The following MRPS18B variants were observed in gnomAD, a reference collection of about 807,000 sequenced individuals.
MRPS18B encodes small ribosomal subunit protein mS40.
Under a neutral mutation model 28.4 loss-of-function variants are expected in MRPS18B, and 27 were observed. The observed-to-expected ratio is 0.95, with a 90% CI of 0.70 to 1.31. The LOEUF (loss-of-function observed/expected upper bound fraction) is 1.31. Ranked by LOEUF, MRPS18B falls within the 40% of genes most tolerant of loss-of-function variation. The probability of loss-of-function intolerance (pLI) is 0.00; values close to 1 mark genes in which losing one functional copy is unlikely to be tolerated. For missense variants in MRPS18B, 343 were observed against 335.9 expected (o/e 1.02, Z -0.17); for synonymous variants, 118 against 123.7 (o/e 0.95, Z 0.30).
At position 30,625,804 on chromosome 6, in the gene MRPS18B, T is replaced by C; in HGVS notation, c.*7T>C. On this transcript the variant is annotated 3_prime_UTR_variant, in exon 7 of 7. Coordinates refer to ENST00000259873, the MANE Select transcript of MRPS18B (RefSeq NM_014046.4). ...CCCTCAGAGTGCTCTGTAGGAGCTGTAGACTGGGAAGAGAGGCCAGGCGTG... is the reference window on the plus strand; with the variant it reads ...CCCTCAGAGTGCTCTGTAGGAGCTGCAGACTGGGAAGAGAGGCCAGGCGTG... 2 of 1,597,058 alleles carry C rather than the reference T, an allele frequency of 1.3e-6. No individual in the cohort carries two copies. Among genetic ancestry groups the C allele is most frequent in the Non-Finnish European group, 1.7e-6 (2 of 1,167,636 alleles).
intron 1 of MRPS18B, among the ~76,000 whole-genome samples, chr6:30,618,376 C>T (rs1327560494): frequency 6.6e-6 from 1 of 152,162 alleles, no homozygotes; most frequent in African/African-American, 2.4e-5. Flanking sequence ...CTGGAATGTC[C>T]TTGGGGAAAT....
rs535036231 is a variant in MRPS18B, at chr6:30,622,022, G to T, written c.355-810G>T. On this transcript the variant is annotated intron_variant, in intron 4 of 6. Coordinates refer to ENST00000259873, the MANE Select transcript of MRPS18B (RefSeq NM_014046.4). Reference sequence around the variant, plus strand: ...AAATGTTACAAATTTAGTAGCATGGGTGATTCTGCTTGCATTCTACTCTAC... The same window carrying T: ...AAATGTTACAAATTTAGTAGCATGGTTGATTCTGCTTGCATTCTACTCTAC... 3.0e-4 allele frequency among the ~76,000 whole-genome samples: 45 copies of T among 152,154 alleles called. 1 individual carries two copies. The South Asian group carries it at 6.2e-3, about 21-fold the overall frequency.
At chr6:30,621,565 G>T (rs1297501649) in intron 4 of MRPS18B, among the ~76,000 whole-genome samples, 1 of 152,168 alleles carries the variant, frequency 6.6e-6, no homozygotes, top group Non-Finnish European at 1.5e-5. Context: ...GGGGGTATTT[G>T]ACTGCAATAA....
At chr6:30,624,451 C>G (rs1462073376) in intron 5 of MRPS18B, among the ~76,000 whole-genome samples, 2 of 152,136 alleles carry the variant, frequency 1.3e-5, no homozygotes, top group Non-Finnish European at 2.9e-5. Context: ...AATCAGTGTT[C>G]AGTTTGTCAA....
At chr6:30,618,068 C>A in intron 1 of MRPS18B, 125 bp downstream of exon 1, 1 of 932,022 alleles carries the variant, frequency 1.1e-6, no homozygotes, top group Non-Finnish European at 1.7e-6. Context: ...CTAGGCAGTA[C>A]TTCCTGCAAC....
At position 30,617,865 on chromosome 6, in the gene MRPS18B, G is replaced by A. The variant is rs1393314432; in HGVS notation, c.-1G>A. 1.2e-6 allele frequency: 2 copies of A among 1,614,208 alleles called. No homozygotes were observed. Among genetic ancestry groups the A allele is most frequent in the Admixed American group, 1.7e-5 (1 of 60,026 alleles). On this transcript the variant is annotated 5_prime_UTR_variant, in exon 1 of 7. Coordinates refer to ENST00000259873, the MANE Select transcript of MRPS18B (RefSeq NM_014046.4). ...AATTCCTGTCCTGGGCGTACGTCAA[G>A]ATGGCGGCGTCTGTATTAAACACCG...
At chr6:30,618,955 G>A (rs1478569632) in intron 1 of MRPS18B, among the ~76,000 whole-genome samples, 1 of 151,536 alleles carries the variant, frequency 6.6e-6, no homozygotes, top group Non-Finnish European at 1.5e-5. Context: ...ATCTCACTCT[G>A]TTGCCAGGTT....
In MRPS18B at chr6:30,625,765, A is replaced by G. The variant is rs775636623; in HGVS notation, c.745A>G (p.Thr249Ala). ...PPRTPAEASS[T>A]GQTGPQSAL ...TAGAACACCAGCGGAAGCCTCCTCC[A>G]CTGGGCAGACAGGCCCTCAGAGTGC... Residue 249 changes from threonine (T) to alanine (A), a missense_variant, in exon 7 of 7, where the codon ACT (threonine) becomes GCT (alanine). By Grantham distance (58) the Thr-to-Ala change is moderately conservative. Coordinates refer to ENST00000259873, the MANE Select transcript of MRPS18B (RefSeq NM_014046.4). The G allele has an allele frequency of 5.0e-6, 8 of 1,612,508 alleles. No individual in the cohort carries two copies. The African/African-American group carries it at 1.1e-4, about 22-fold the overall frequency.
intron 4 of MRPS18B, among the ~76,000 whole-genome samples, chr6:30,621,482 A>T (rs1761155347): frequency 6.6e-6 from 1 of 152,214 alleles, no homozygotes; most frequent in African/African-American, 2.4e-5. Flanking sequence ...GCTTGCAGCA[A>T]AAGTATTAGA....
intron 5 of MRPS18B, among the ~76,000 whole-genome samples, chr6:30,624,431 G>C (rs1012649221): frequency 2.0e-5 from 3 of 152,142 alleles, no homozygotes; most frequent in African/African-American, 7.2e-5. Flanking sequence ...ATTGTTGGGG[G>C]TGGCAGTACA....
rs767152122 is a variant in MRPS18B at position 30,625,809 on chromosome 6, T to G, written c.*12T>G. 1 of 1,593,360 alleles carries G rather than the reference T, an allele frequency of 6.3e-7. No homozygotes were observed. Among genetic ancestry groups the G allele is most frequent in the Non-Finnish European group, 8.6e-7 (1 of 1,165,006 alleles). On this transcript the variant is annotated 3_prime_UTR_variant, in exon 7 of 7. Coordinates refer to ENST00000259873, the MANE Select transcript of MRPS18B (RefSeq NM_014046.4). ...AGAGTGCTCTGTAGGAGCTGTAGAC[T>G]GGGAAGAGAGGCCAGGCGTGGTGGC...
intron 1 of MRPS18B, 58 bp from the exon 2 acceptor site, chr6:30,619,435 A>C (rs1378734133): frequency 6.9e-7 from 1 of 1,448,888 alleles, no homozygotes; most frequent in Non-Finnish European, 9.6e-7. Context: ...TGTGATAAGC[A>C]AAACAATTTA....
At chr6:30,622,993 CT>C in intron 5 of MRPS18B, 95 bp downstream of exon 5, 1 of 1,249,542 alleles carries the variant, frequency 8.0e-7, no homozygotes, top group Non-Finnish European at 1.2e-6. Context: ...GTGGCTCCTG[CT>C]TATAGCCTAA....
At chr6:30,620,683 C>G (rs550579880) in intron 4 of MRPS18B, among the ~76,000 whole-genome samples, 1 of 152,232 alleles carries the variant, frequency 6.6e-6, no homozygotes, top group East Asian at 1.9e-4. Flanking sequence ...GATTCTCCCG[C>G]CTCAGCCTCC....
At position 30,624,427 on chromosome 6, in the gene MRPS18B, G is replaced by A. The variant is rs568650258; in HGVS notation, c.422-456G>A. Among the ~76,000 whole-genome samples the A allele has an allele frequency of 2.0e-5, 3 of 152,190 alleles. No homozygotes were observed. The South Asian group carries it at 6.2e-4, about 32-fold the overall frequency. ...AGAATAATCTGAATTCACCATTGTT[G>A]GGGGTGGCAGTACAATCAGTGTTCA... On this transcript the variant is annotated intron_variant, in intron 5 of 6. Coordinates refer to ENST00000259873, the MANE Select transcript of MRPS18B (RefSeq NM_014046.4).
In MRPS18B at chr6:30,619,793, G is replaced by A. The variant is rs148496697; in HGVS notation, c.272G>A (p.Arg91Gln). Residue 91 changes from arginine (R) to glutamine (Q), a missense_variant, in exon 3 of 7, where the codon CGG becomes CAG. Transcript: ENST00000259873. ...GGTGGTGTACCCCCACAGCGGACTC[G>A]GAAGACATGTATTGTGAGTTTCTGA... is the stretch of plus-strand genomic sequence containing the variant. ...HKGGVPPQRT[R>Q]KTCIRRNKVV... is the part of the protein sequence containing the mutation. 33 of 1,614,016 alleles carry A rather than the reference G, an allele frequency of 2.0e-5. No individual in the cohort carries two copies. The African/African-American group carries it at 3.1e-4, about 15-fold the overall frequency.
Position 30,620,005 on chromosome 6 carries a change from T to A in MRPS18B, c.354+16T>A, listed in dbSNP as rs1319645757. The A allele has an allele frequency of 5.6e-6, 9 of 1,611,652 alleles. No individual in the cohort carries two copies. Among genetic ancestry groups the A allele is most frequent in the Non-Finnish European group, 7.6e-6 (9 of 1,177,938 alleles). ...TGACTTTAGGGTAAGGAGAGTCTTT[T>A]CTTTTTAGGGTAAGAAAAATAAAGA... On this transcript the variant is annotated intron_variant, in intron 4 of 6. Transcript: ENST00000259873.
Position 30,626,070 on chromosome 6 carries a change from G to C in MRPS18B, c.*273G>C. On this transcript the variant is annotated 3_prime_UTR_variant, in exon 7 of 7. Coordinates refer to ENST00000259873, the MANE Select transcript of MRPS18B (RefSeq NM_014046.4). ...GTTGCAGTCACACCCCTGCACTCCAGCCTGGGTGACAGCTAGACCCTGTCT... is the reference window on the plus strand; with the variant it reads ...GTTGCAGTCACACCCCTGCACTCCACCCTGGGTGACAGCTAGACCCTGTCT... The C allele has an allele frequency of 5.0e-6, 2 of 403,690 alleles. No individual in the cohort carries two copies. The highest frequency in any genetic ancestry group is 4.1e-5 in the Admixed American group (1 of 24,562). 25.0% of individuals were successfully genotyped at this position (403,690 alleles called of 1,614,324 possible).
chr6:30,620,239 C>T (rs1761064903), intron 4 of MRPS18B: 2 of 462,626 alleles, frequency 4.3e-6, no homozygotes, highest in Non-Finnish European at 7.8e-6. Flanking sequence ...ATGGCGTGAA[C>T]CCGGGAGGCA....
Sources: gnomAD v4.1 joint callset for allele counts (sites outside exome capture counted in the v4.1 genomes callset) on GRCh38, gnomAD v4.1.1 for gene constraint, MANE v1.5 for transcripts, NCBI Gene and HGNC (gene_info 2026-07-23, HGNC 2026-07-21) for gene names.